CACNA1C: variants seen among roughly 807,000 people sequenced by gnomAD.
CACNA1C encodes the protein voltage-dependent L-type calcium channel subunit alpha-1C.
A neutral mutation model predicts 229.0 loss-of-function variants in CACNA1C; 30 were observed. The observed-to-expected ratio is 0.13, with a 90% CI of 0.10 to 0.18. The LOEUF is 0.18. Ranked by LOEUF, CACNA1C falls within the 10% of genes least tolerant of loss-of-function variation. The pLI is 1.00. For missense variants in CACNA1C, 1,658 were observed against 2,845.0 expected, an observed-to-expected ratio of 0.58 and a Z score of 9.49; for synonymous variants, 1,114 against 1,132.5, an observed-to-expected ratio of 0.98 and a Z score of 0.33.
intron 3 of CACNA1C, among the ~76,000 whole-genome samples, chr12:2,389,987 A>C (rs1445558711): frequency 6.6e-6 from 1 of 152,156 alleles, no homozygotes; most frequent in African/African-American, 2.4e-5. Flanking sequence ...AAAGTAGCTA[A>C]ATTTTTATTA....
intron 3 of CACNA1C, among the ~76,000 whole-genome samples, chr12:2,443,450 G>C (rs1028940175): frequency 2.0e-5 from 3 of 152,164 alleles, no homozygotes; most frequent in Non-Finnish European, 4.4e-5. Flanking sequence ...CATGCTATTG[G>C]TCTGGGGTTC....
In CACNA1C at chr12:2,669,025, C is replaced by T; in HGVS notation, c.4716C>T (p.Ile1572=). The change falls in exon 38 of 47, where the codon ATC becomes ATT. Residue 1572 remains isoleucine (I), a synonymous_variant. Coordinates refer to ENST00000399655, the MANE Select transcript of CACNA1C (RefSeq NM_000719.7). ...LFALVRTALR[I]KTEGNLEQAN... ...CCCTGGTCAGGACGGCCCTGAGGAT[C>T]AAAACAGAAGGTAAGGTCGCCCGTG... is the stretch of plus-strand genomic sequence containing the variant. The T allele has an allele frequency of 6.2e-7, 1 of 1,611,852 alleles. No homozygotes were observed. The highest frequency in any genetic ancestry group is 8.5e-7 in the Non-Finnish European group (1 of 1,177,934).
At chr12:2,179,873 T>C (rs573173982) in intron 3 of CACNA1C, among the ~76,000 whole-genome samples, 6 of 152,242 alleles carry the variant, frequency 3.9e-5, no homozygotes, top group Non-Finnish European at 5.9e-5. Flanking sequence ...CGTTGCTAGA[T>C]TGATCTCCCA....
intron 3 of CACNA1C, among the ~76,000 whole-genome samples, chr12:2,373,068 G>A (rs887260038): frequency 7.9e-5 from 12 of 152,360 alleles, no homozygotes; most frequent in Non-Finnish European, 4.4e-5. Context: ...GGCGGGAGAA[G>A]TGACAAGGAA....
chr12:2,275,481 G>C lies in CACNA1C; in HGVS notation c.477+155051G>C, dbSNP rs1363779753. ...TGACCTAGCTCTCTCCTGGCCCCCT[G>C]TTCCATCCCACATGCAGCCTCCGTC... On this transcript the variant is annotated intron_variant, in intron 3 of 46. Transcript: ENST00000399655. This position sits in a 1 kb window ranked among gnomAD's most constrained non-coding sequence, Gnocchi z 4.1. 6.6e-6 allele frequency among the ~76,000 whole-genome samples: 1 copy of C among 151,992 alleles called. No homozygotes were observed. The highest frequency in any genetic ancestry group is 1.5e-5 in the Non-Finnish European group (1 of 68,014).
At chr12:2,466,007 G>A (rs2099548156) in intron 5 of CACNA1C, among the ~76,000 whole-genome samples, 1 of 152,112 alleles carries the variant, frequency 6.6e-6, no homozygotes, top group Non-Finnish European at 1.5e-5. Context: ...TGCAGAAGTT[G>A]AAAACTCACC....
At chr12:2,228,936 A>G (rs992479244) in intron 3 of CACNA1C, among the ~76,000 whole-genome samples, 3 of 150,836 alleles carry the variant, frequency 2.0e-5, no homozygotes, top group East Asian at 3.9e-4. Context: ...CTAGAATATT[A>G]TGTGTGTGTG....
At chr12:2,294,579 G>C (rs974970756) in intron 3 of CACNA1C, among the ~76,000 whole-genome samples, 1 of 152,042 alleles carries the variant, frequency 6.6e-6, no homozygotes, top group Admixed American at 6.6e-5. Flanking sequence ...TGTGCGTGCT[G>C]TCGGGATACA....
At chr12:2,195,778 G>A (rs1027619880) in intron 3 of CACNA1C, among the ~76,000 whole-genome samples, 1 of 152,182 alleles carries the variant, frequency 6.6e-6, no homozygotes, top group Non-Finnish European at 1.5e-5. Flanking sequence ...AGGGAATGTC[G>A]AAACCGGGAA....
In CACNA1C at chr12:2,298,295, T is replaced by G. The variant is rs542906755; in HGVS notation, c.478-150681T>G. ...CTCAAGTTTACAACGCAAGCATCTC[T>G]CAGGTGACAGGGTCTTTTTTTTTAG... On this transcript the variant is annotated intron_variant, in intron 3 of 46. Coordinates refer to ENST00000399655, the MANE Select transcript of CACNA1C (RefSeq NM_000719.7). Among the ~76,000 whole-genome samples, 4 of 152,274 alleles carry G rather than the reference T, an allele frequency of 2.6e-5. No homozygotes were observed. In the East Asian group the frequency reaches 7.7e-4, roughly 29 times the overall value.
At chr12:2,359,177 C>A (rs571051697) in intron 3 of CACNA1C, among the ~76,000 whole-genome samples, 6 of 152,356 alleles carry the variant, frequency 3.9e-5, no homozygotes, top group African/African-American at 1.4e-4. Flanking sequence ...CTCCTACACT[C>A]CTTCCCTTTG....
In CACNA1C at chr12:2,219,911, G is replaced by A. The variant is rs114815676; in HGVS notation, c.477+99481G>A. Among the ~76,000 whole-genome samples the A allele has an allele frequency of 6.9e-3, 1,048 of 152,266 alleles. 7 individuals are homozygous for A. The highest frequency in any genetic ancestry group is 0.024 in the African/African-American group (995 of 41,550). ...GACCTAGGCAGTGGAGGGCCCAGGAGGGAGGCTTTCCTTGAAGAGCACTCT... is the reference window on the plus strand; with the variant it reads ...GACCTAGGCAGTGGAGGGCCCAGGAAGGAGGCTTTCCTTGAAGAGCACTCT... On this transcript the variant is annotated intron_variant, in intron 3 of 46. Coordinates refer to ENST00000399655, the MANE Select transcript of CACNA1C (RefSeq NM_000719.7).
At chr12:2,168,128 A>G (rs1270780508) in intron 3 of CACNA1C, among the ~76,000 whole-genome samples, 1 of 152,166 alleles carries the variant, frequency 6.6e-6, no homozygotes, top group African/African-American at 2.4e-5. Flanking sequence ...TGCACAGCTT[A>G]AAGAAAGGCA....
At chr12:2,005,146 G>GAAA (rs71441670) in intron 1 of CACNA1C, among the ~76,000 whole-genome samples, 1 of 131,072 alleles carries the variant, frequency 7.6e-6, no homozygotes. Flanking sequence ...AGTTACAAAA[G>GAAA]AAAAAAAAAA....
intron 1 of CACNA1C, among the ~76,000 whole-genome samples, chr12:1,999,276 A>G (rs1045752975): frequency 6.6e-6 from 1 of 152,250 alleles, no homozygotes; most frequent in African/African-American, 2.4e-5. Context: ...ATGAAATTAT[A>G]TTACAAGTCC....
intron 3 of CACNA1C, among the ~76,000 whole-genome samples, chr12:2,193,532 C>A (rs911959031): frequency 6.6e-6 from 1 of 152,258 alleles, no homozygotes; most frequent in African/African-American, 2.4e-5. Flanking sequence ...GAGAGCTCGC[C>A]ACCTTTCCTT....
chr12:2,166,491 G>A (rs2096239532), intron 3 of CACNA1C, among the ~76,000 whole-genome samples: 1 of 152,222 alleles, frequency 6.6e-6, no homozygotes, highest in Non-Finnish European at 1.5e-5. Context: ...TACCTAAGGA[G>A]TGTCAGCAAT....
rs1344938771 is a variant in CACNA1C at position 2,572,022 on chromosome 12, G to A, written c.1895+4228G>A. ...AATGTCTTGCTGCTACTCATATGTA[G>A]AAGAAATTTCTTCTCTTTTTTTTTT... On this transcript the variant is annotated intron_variant, in intron 13 of 46. Transcript: ENST00000399655. Among the ~76,000 whole-genome samples, 3 of 142,796 alleles carry A rather than the reference G, an allele frequency of 2.1e-5. No individual in the cohort carries two copies. In the East Asian group the frequency reaches 6.5e-4, roughly 31 times the overall value. The allele number at this position is 142,796 out of a possible 152,430, so 93.7% of individuals were successfully genotyped here.
chr12:2,064,152 A>G (rs2058502624), intron 1 of CACNA1C, among the ~76,000 whole-genome samples: 1 of 152,244 alleles, frequency 6.6e-6, no homozygotes, highest in Admixed American at 6.5e-5. Context: ...TGTTCAAAAA[A>G]ACAAAATGAA....
Sources: gnomAD v4.1 joint callset for allele counts (sites outside exome capture counted in the v4.1 genomes callset) on GRCh38, gnomAD v4.1.1 for gene constraint, Gnocchi (gnomAD v3.1) non-coding constraint, MANE v1.5 for transcripts, NCBI Gene and HGNC (gene_info 2026-07-23, HGNC 2026-07-21) for gene names.